RHBDL3: variants seen among roughly 807,000 people sequenced by gnomAD.
RHBDL3 encodes the protein rhomboid-related protein 3.
Under a neutral mutation model 48.2 loss-of-function variants are expected in RHBDL3, and 28 were observed. That is an observed-to-expected ratio of 0.58 (90% CI 0.43 to 0.80). The LOEUF is 0.80. RHBDL3 is among the 30% of genes least tolerant of loss of function. The pLI, the probability that RHBDL3 is intolerant of heterozygous loss-of-function variation, is 0.00. For missense variants in RHBDL3, 464 were observed against 542.7 expected (o/e 0.85, Z 1.44); for synonymous variants, 208 against 232.3 (o/e 0.90, Z 0.95).
intron 2 of RHBDL3, among the ~76,000 whole-genome samples, chr17:32,277,708 C>T (rs2039948174): frequency 6.6e-6 from 1 of 152,190 alleles, no homozygotes. Flanking sequence ...TCTGAACCAG[C>T]GGCAAAGGGG....
chr17:32,298,899 G>A (rs1431667227), intron 6 of RHBDL3, among the ~76,000 whole-genome samples: 16 of 152,216 alleles, frequency 1.1e-4, no homozygotes, highest in Non-Finnish European at 2.4e-4. Flanking sequence ...CTCCCAGTGA[G>A]CCTTCCACCT....
chr17:32,294,450 C>G lies in RHBDL3; in HGVS notation c.668+8C>G. On this transcript the variant is annotated splice_region_variant and intron_variant, in intron 5 of 8. Transcript: ENST00000269051. The stretch of plus-strand genomic sequence containing the variant: ...CATCTTCATGCATGCAGGGTGAGTA[C>G]CTGTCTTCTTTTGCTCTGTCAAAAG... 1 of 1,612,224 alleles carries G rather than the reference C, an allele frequency of 6.2e-7. No individual in the cohort carries two copies. The highest frequency in any genetic ancestry group is 8.5e-7 in the Non-Finnish European group (1 of 1,179,196).
intron 3 of RHBDL3, among the ~76,000 whole-genome samples, chr17:32,286,830 G>A (rs919429906): frequency 6.6e-6 from 1 of 152,206 alleles, no homozygotes; most frequent in Non-Finnish European, 1.5e-5. Context: ...GAGAGATGAT[G>A]GAGACTGAAA....
chr17:32,320,587 G>T (rs936188640), intron 8 of RHBDL3, among the ~76,000 whole-genome samples: 5 of 152,178 alleles, frequency 3.3e-5, no homozygotes, highest in African/African-American at 1.2e-4. Flanking sequence ...GCCTCCCAAA[G>T]TGCTGAGATT....
intron 7 of RHBDL3, among the ~76,000 whole-genome samples, chr17:32,309,606 A>G (rs886150732): frequency 1.2e-4 from 18 of 152,062 alleles, no homozygotes; most frequent in Non-Finnish European, 2.2e-4. Flanking sequence ...TTGAGTACCA[A>G]TGTCACCATC....
intron 2 of RHBDL3, among the ~76,000 whole-genome samples, chr17:32,275,661 G>A (rs1469948981): frequency 1.3e-5 from 2 of 152,186 alleles, no homozygotes; most frequent in Non-Finnish European, 2.9e-5. Context: ...CAGGATGCCT[G>A]TCTCTCCCTA....
chr17:32,267,470 CTCATTGCGCCGGGG>C (rs2039665839), intron 1 of RHBDL3, among the ~76,000 whole-genome samples: 4 of 150,318 alleles, frequency 2.7e-5, no homozygotes, highest in Admixed American at 1.3e-4. Flanking sequence ...GCAGGTGAGA[CTCATTGCGCCGGGG>C]TCTGATGGAA....
At chr17:32,320,748 C>T (rs1273217136) in intron 8 of RHBDL3, among the ~76,000 whole-genome samples, 4 of 152,230 alleles carry the variant, frequency 2.6e-5, no homozygotes, top group Non-Finnish European at 4.4e-5. Flanking sequence ...GAAATTATCT[C>T]ATGTATGTAA....
chr17:32,298,846 C>T (rs1018066157), intron 6 of RHBDL3, among the ~76,000 whole-genome samples: 8 of 152,228 alleles, frequency 5.3e-5, no homozygotes, highest in Admixed American at 3.3e-4. Context: ...AGTGGGCACA[C>T]GTGTGGCCAG....
At position 32,298,090 on chromosome 17, in the gene RHBDL3, A is replaced by G. The variant is rs1041075097; in HGVS notation, c.669-2A>G. ...TGAGTGAGTGTGGTCTCTCTGTCACAGGATAGAACACCTGGGACTCAATGT... is the reference window on the plus strand; with the variant it reads ...TGAGTGAGTGTGGTCTCTCTGTCACGGGATAGAACACCTGGGACTCAATGT... On this transcript the variant is annotated splice_acceptor_variant, in intron 5 of 8. Coordinates refer to ENST00000269051, the MANE Select transcript of RHBDL3 (RefSeq NM_138328.3). LOFTEE classifies it high-confidence loss of function. 1 of 1,602,594 alleles carries G rather than the reference A, an allele frequency of 6.2e-7. No homozygotes were observed. The highest frequency in any genetic ancestry group is 8.5e-7 in the Non-Finnish European group (1 of 1,169,906).
intron 2 of RHBDL3, among the ~76,000 whole-genome samples, chr17:32,270,521 A>G (rs976237964): frequency 6.6e-6 from 1 of 152,046 alleles, no homozygotes; most frequent in African/African-American, 2.4e-5. Flanking sequence ...TCACCGTCGA[A>G]CTAAATGGCC....
intron 7 of RHBDL3, among the ~76,000 whole-genome samples, chr17:32,314,883 C>G (rs2040934459): frequency 6.6e-6 from 1 of 152,232 alleles, no homozygotes; most frequent in African/African-American, 2.4e-5. Flanking sequence ...CACCGATATC[C>G]TGCCATCTGC....
Position 32,283,525 on chromosome 17 carries a change from G to T in RHBDL3, c.136-1134G>T, listed in dbSNP as rs181749328. On this transcript the variant is annotated intron_variant, in intron 2 of 8. Transcript: ENST00000269051. Reference sequence around the variant, plus strand: ...TTTTTAGTAGAGACGGGGTTTCACCGTGTTAGCCAGGATGGTCTCCATCTC... The same window carrying T: ...TTTTTAGTAGAGACGGGGTTTCACCTTGTTAGCCAGGATGGTCTCCATCTC... Among the ~76,000 whole-genome samples, 682 of 151,814 alleles carry T rather than the reference G, an allele frequency of 4.5e-3. 4 individuals are homozygous for T. The highest frequency in any genetic ancestry group is 5.1e-3 in the Non-Finnish European group (349 of 67,952).
At chr17:32,280,671 G>T (rs2040021084) in intron 2 of RHBDL3, 1 of 152,138 alleles carries the variant, frequency 6.6e-6, no homozygotes, top group East Asian at 1.9e-4. Context: ...TCGGGAGTTT[G>T]CTGTAAATGA....
intron 2 of RHBDL3, among the ~76,000 whole-genome samples, chr17:32,271,325 G>T (rs1115180): frequency 0.55 from 83,078 of 151,996 alleles, 25,482 homozygotes; most frequent in African/African-American, 0.84. Flanking sequence ...GTAAATTTTT[G>T]TGTGTGGTTG....
intron 8 of RHBDL3, 79 bp downstream of exon 8, chr17:32,316,371 T>G: frequency 9.1e-7 from 1 of 1,099,024 alleles, no homozygotes; most frequent in Non-Finnish European, 1.4e-6. Flanking sequence ...TTCCTGCCCT[T>G]CACGGGCTTA....
chr17:32,306,726 G>C (rs2040719363), intron 7 of RHBDL3, among the ~76,000 whole-genome samples: 2 of 152,122 alleles, frequency 1.3e-5, no homozygotes, highest in African/African-American at 4.8e-5. Context: ...TTCAAGACCA[G>C]CCCAGGCAAC....
At chr17:32,293,179 T>TG (rs1426063052) in intron 4 of RHBDL3, among the ~76,000 whole-genome samples, 1 of 105,728 alleles carries the variant, frequency 9.5e-6, no homozygotes, top group Non-Finnish European at 2.0e-5. Context: ...AGGGAGGGGG[T>TG]GGGGCGTCAT....
chr17:32,321,654 C>T lies in RHBDL3; in HGVS notation c.*425C>T, dbSNP rs1465806933. 3.2e-6 allele frequency: 1 copy of T among 311,816 alleles called. No homozygotes were observed. The highest frequency in any genetic ancestry group is 6.2e-6 in the Non-Finnish European group (1 of 160,080). The allele number at this position is 311,816 out of a possible 1,614,324, so 19.3% of individuals were successfully genotyped here. On this transcript the variant is annotated 3_prime_UTR_variant, in exon 9 of 9. Coordinates refer to ENST00000269051, the MANE Select transcript of RHBDL3 (RefSeq NM_138328.3). ...GAAGGTTGTTGCGTCCAGGCATGGC[C>T]CCTCTCTAGCTCAGAAATAATTGCA... is the stretch of plus-strand genomic sequence containing the variant.
Sources: gnomAD v4.1 joint callset for allele counts (sites outside exome capture counted in the v4.1 genomes callset) on GRCh38, gnomAD v4.1.1 for gene constraint, MANE v1.5 for transcripts, NCBI Gene and HGNC (gene_info 2026-07-23, HGNC 2026-07-21) for gene names.